The following LIN7A variants were observed in gnomAD, a reference collection of about 807,000 sequenced individuals.
LIN7A encodes the protein lin-7 cell polarity scaffold A.
In LIN7A, 25 loss-of-function variants were observed where a neutral mutation model predicts 29.8. The observed-to-expected ratio is 0.84, with a 90% CI of 0.61 to 1.17. The LOEUF is 1.17. Among genes scored for constraint, LIN7A ranks in the 50% most tolerant of loss-of-function variants. The probability of loss-of-function intolerance (pLI) is 0.00; values close to 1 mark genes in which losing one functional copy is unlikely to be tolerated. For missense variants in LIN7A, 239 were observed against 287.0 expected (o/e 0.83, Z 1.21); for synonymous variants, 118 against 107.5 (o/e 1.10, Z -0.60).
intron 4 of LIN7A, among the ~76,000 whole-genome samples, chr12:80,822,908 C>A (rs968723407): frequency 8.5e-5 from 13 of 152,132 alleles, no homozygotes; most frequent in Non-Finnish European, 1.6e-4. Context: ...AGGGGCTGGG[C>A]TGCCTGTTCA....
intron 1 of LIN7A, among the ~76,000 whole-genome samples, chr12:80,901,593 A>G (rs899292512): frequency 9.2e-5 from 14 of 152,074 alleles, no homozygotes; most frequent in Non-Finnish European, 7.4e-5. Context: ...TATAGTGTTC[A>G]GGGAATTGGA....
At chr12:80,878,640 G>T (rs905782758) in intron 2 of LIN7A, among the ~76,000 whole-genome samples, 2 of 152,156 alleles carry the variant, frequency 1.3e-5, no homozygotes, top group African/African-American at 4.8e-5. Context: ...GGCGGACGTG[G>T]CCAGCTTTTA....
At chr12:80,900,364 A>T (rs2120727615) in intron 1 of LIN7A, among the ~76,000 whole-genome samples, 1 of 152,196 alleles carries the variant, frequency 6.6e-6, no homozygotes, top group South Asian at 2.1e-4. Flanking sequence ...TAGGCTGTTA[A>T]TTTGAGATCT....
chr12:80,830,189 T>G (rs949708603), intron 4 of LIN7A, among the ~76,000 whole-genome samples: 2 of 152,196 alleles, frequency 1.3e-5, no homozygotes, highest in African/African-American at 4.8e-5. Context: ...AATCAATGGC[T>G]TGCTGCCTTG....
intron 5 of LIN7A, among the ~76,000 whole-genome samples, chr12:80,801,531 T>G (rs1323041731): frequency 6.6e-6 from 1 of 152,246 alleles, no homozygotes; most frequent in Non-Finnish European, 1.5e-5. Flanking sequence ...AAATAATAAT[T>G]GTATACATTT....
chr12:80,818,634 T>C (rs1335406438), intron 4 of LIN7A, among the ~76,000 whole-genome samples: 1 of 152,238 alleles, frequency 6.6e-6, no homozygotes, highest in Non-Finnish European at 1.5e-5. Flanking sequence ...AACCTTGATG[T>C]ACATAGTAGT....
At chr12:80,901,152 TA>T (rs1169268278) in intron 1 of LIN7A, among the ~76,000 whole-genome samples, 2 of 152,074 alleles carry the variant, frequency 1.3e-5, no homozygotes, top group Admixed American at 6.5e-5. Context: ...GCTGTAGGAA[TA>T]AAATAAAACC....
intron 5 of LIN7A, among the ~76,000 whole-genome samples, chr12:80,810,401 G>C (rs1592851579): frequency 1.6e-5 from 1 of 62,294 alleles, no homozygotes; most frequent in East Asian, 6.7e-4. Context: ...ATCTGTGTGT[G>C]TGTGTGTGTG....
chr12:80,816,220 C>T (rs527914243), intron 4 of LIN7A, among the ~76,000 whole-genome samples: 1 of 152,112 alleles, frequency 6.6e-6, no homozygotes, highest in Admixed American at 6.5e-5. Context: ...ATCTGAGCAA[C>T]ATGGCAAGAC....
Position 80,913,749 on chromosome 12 carries a change from T to A in LIN7A, c.82+23892A>T, listed in dbSNP as rs1016089506. Among the ~76,000 whole-genome samples the A allele has an allele frequency of 7.2e-5, 11 of 152,236 alleles. No homozygotes were observed. In the South Asian group the frequency reaches 1.0e-3, roughly 14 times the overall value. On this transcript the variant is annotated intron_variant, in intron 1 of 5. Coordinates refer to ENST00000552864, the MANE Select transcript of LIN7A (RefSeq NM_004664.4). ...TGATGCTAGTCGAATAAAACATACTTACTTTCAACTATTTGTTGCCACAGC... is the reference window on the plus strand; with the variant it reads ...TGATGCTAGTCGAATAAAACATACTAACTTTCAACTATTTGTTGCCACAGC...
chr12:80,806,800 C>T (rs541804669), intron 5 of LIN7A, among the ~76,000 whole-genome samples: 104 of 152,294 alleles, frequency 6.8e-4, no homozygotes, highest in Middle Eastern at 3.4e-3. Context: ...ATGTAAGTCT[C>T]TTTGACTGAA....
At chr12:80,872,426 A>C (rs1874469167) in intron 2 of LIN7A, among the ~76,000 whole-genome samples, 2 of 152,180 alleles carry the variant, frequency 1.3e-5, no homozygotes, top group African/African-American at 4.8e-5. Flanking sequence ...AACTATCAAC[A>C]ATGTGATTTG....
intron 1 of LIN7A, among the ~76,000 whole-genome samples, chr12:80,926,197 G>T (rs981532036): frequency 1.3e-4 from 20 of 152,120 alleles, no homozygotes; most frequent in Non-Finnish European, 2.5e-4. Flanking sequence ...TTTATCTGTT[G>T]ACTTAACTAG....
chr12:80,908,392 A>G (rs1592941703), intron 1 of LIN7A, among the ~76,000 whole-genome samples: 1 of 152,200 alleles, frequency 6.6e-6, no homozygotes, highest in East Asian at 1.9e-4. Context: ...AATTTGATCC[A>G]GGGGAAAGAG....
Position 80,795,363 on chromosome 12 carries a change from A to G in LIN7A, c.*2364T>C, listed in dbSNP as rs1363545649. ...ACTCTGACGTATAATCCATCCTTAG[A>G]TGTCCTAGGTGTGATGGATTGCTTC... On this transcript the variant is annotated 3_prime_UTR_variant, in exon 6 of 6. Coordinates refer to ENST00000552864, the MANE Select transcript of LIN7A (RefSeq NM_004664.4). 1 of 152,080 alleles carries G rather than the reference A, an allele frequency of 6.6e-6. No homozygotes were observed. The highest frequency in any genetic ancestry group is 2.4e-5 in the African/African-American group (1 of 41,428). The allele number at this position is 152,080 out of a possible 1,614,324, so 9.4% of individuals were successfully genotyped here.
chr12:80,891,073 C>A (rs117210986), intron 1 of LIN7A, among the ~76,000 whole-genome samples: 3 of 152,116 alleles, frequency 2.0e-5, no homozygotes, highest in Non-Finnish European at 4.4e-5. Context: ...TTTTCACACT[C>A]CCCTTGCATA....
intron 1 of LIN7A, among the ~76,000 whole-genome samples, chr12:80,923,336 T>C (rs1040799066): frequency 6.6e-6 from 1 of 152,086 alleles, no homozygotes; most frequent in Non-Finnish European, 1.5e-5. Context: ...TCAGCCTCCA[T>C]AATTGTGTGA....
chr12:80,844,149 T>C (rs1684414129), intron 4 of LIN7A, among the ~76,000 whole-genome samples: 1 of 152,114 alleles, frequency 6.6e-6, no homozygotes, highest in African/African-American at 2.4e-5. Context: ...GACGCAATTG[T>C]GTGACCTAGC....
At position 80,793,971 on chromosome 12, in the gene LIN7A, A is replaced by G. The variant is rs1473538105; in HGVS notation, c.*3756T>C. On this transcript the variant is annotated 3_prime_UTR_variant, in exon 6 of 6. Transcript: ENST00000552864. ...GCATAAAAACTCTGTATCCCCAAAC[A>G]TTGTTCCTTATCCACTGTTCAAATG... The G allele has an allele frequency of 6.6e-6, 1 of 152,196 alleles. No individual in the cohort carries two copies. Among genetic ancestry groups the G allele is most frequent in the African/African-American group, 2.4e-5 (1 of 41,456 alleles). 9.4% of individuals were successfully genotyped at this position (152,196 alleles called of 1,614,324 possible).
Sources: gnomAD v4.1 joint callset for allele counts (sites outside exome capture counted in the v4.1 genomes callset) on GRCh38, gnomAD v4.1.1 for gene constraint, MANE v1.5 for transcripts, NCBI Gene and HGNC (gene_info 2026-07-23, HGNC 2026-07-21) for gene names.